The following RANBP2 variants were observed in gnomAD, a reference collection of about 807,000 sequenced individuals.
RANBP2 encodes RAN binding protein 2, also known as E3 SUMO-protein ligase RanBP2.
A neutral mutation model predicts 303.6 loss-of-function variants in RANBP2; 57 were observed. That is an observed-to-expected ratio of 0.19 (90% CI 0.15 to 0.23). The LOEUF (loss-of-function observed/expected upper bound fraction) is 0.23. Among genes scored for constraint, RANBP2 ranks in the 10% least tolerant of loss-of-function variants. RANBP2 has a pLI of 1.00. For missense variants in RANBP2, 3,138 were observed against 3,780.8 expected, an observed-to-expected ratio of 0.83 and a Z score of 4.46; for synonymous variants, 1,167 against 1,301.5, an observed-to-expected ratio of 0.90 and a Z score of 2.23.
chr2:109,362,243 A>C, the RANBP2 span, among the ~76,000 whole-genome samples: 1 of 152,316 alleles, frequency 6.6e-6, no homozygotes, highest in Non-Finnish European at 1.5e-5. Context: ...GGCATCTCAC[A>C]AATGTTGGTA....
chr2:109,658,290 A>G, the RANBP2 span, among the ~76,000 whole-genome samples: 1 of 150,370 alleles, frequency 6.7e-6, no homozygotes, highest in Non-Finnish European at 1.5e-5. Flanking sequence ...TACTAAAAAT[A>G]CAAAAAATTA....
chr2:108,723,847 A>G (rs1694480551), intron 1 of RANBP2, among the ~76,000 whole-genome samples: 1 of 152,152 alleles, frequency 6.6e-6, no homozygotes, highest in Admixed American at 6.6e-5. Flanking sequence ...ACACCCTCAA[A>G]TGTGGTCAAA....
the RANBP2 span, among the ~76,000 whole-genome samples, chr2:109,403,839 A>T: frequency 6.6e-6 from 1 of 152,158 alleles, no homozygotes; most frequent in Admixed American, 6.5e-5. Flanking sequence ...ACCTCTTCCC[A>T]AAAACTCCCC....
the RANBP2 span, among the ~76,000 whole-genome samples, chr2:109,692,372 C>T: frequency 1.1e-3 from 168 of 152,186 alleles, no homozygotes; most frequent in African/African-American, 3.8e-3. Context: ...AAAGTGGTTA[C>T]GGTGGTGGCA....
chr2:109,036,611 A>G, the RANBP2 span, among the ~76,000 whole-genome samples: 1 of 152,200 alleles, frequency 6.6e-6, no homozygotes, highest in Non-Finnish European at 1.5e-5. Context: ...GATGCAGAAA[A>G]AAAGATTAAC....
At chr2:109,576,710 T>C in the RANBP2 span, among the ~76,000 whole-genome samples, 1 of 152,220 alleles carries the variant, frequency 6.6e-6, no homozygotes, top group Non-Finnish European at 1.5e-5. Flanking sequence ...CTGAATGTTT[T>C]GTCTTATGCT....
chr2:108,994,382 T>C, the RANBP2 span, among the ~76,000 whole-genome samples: 1 of 152,206 alleles, frequency 6.6e-6, no homozygotes, highest in African/African-American at 2.4e-5. Flanking sequence ...AGTGAAAACA[T>C]AATTGAAATT....
chr2:109,114,158 T>G, the RANBP2 span, among the ~76,000 whole-genome samples: 2 of 152,178 alleles, frequency 1.3e-5, no homozygotes, highest in Non-Finnish European at 2.9e-5. Context: ...ATAAAATGAG[T>G]TAGGGAGGAT....
chr2:109,723,480 GTA>G, the RANBP2 span, among the ~76,000 whole-genome samples: 3 of 152,144 alleles, frequency 2.0e-5, no homozygotes. Flanking sequence ...GAATAAGATG[GTA>G]TCTCATTGTG....
At chr2:109,426,668 T>A in the RANBP2 span, among the ~76,000 whole-genome samples, 1 of 152,222 alleles carries the variant, frequency 6.6e-6, no homozygotes, top group South Asian at 2.1e-4. Flanking sequence ...AAACAGTTGA[T>A]GAAGCAGCAG....
chr2:109,725,280 G>A, the RANBP2 span, among the ~76,000 whole-genome samples: 1 of 152,212 alleles, frequency 6.6e-6, no homozygotes, highest in African/African-American at 2.4e-5. Context: ...GGGCCCAAGT[G>A]TACTCCTGGA....
chr2:109,299,643 C>T, the RANBP2 span, among the ~76,000 whole-genome samples: 5 of 152,176 alleles, frequency 3.3e-5, no homozygotes, highest in Non-Finnish European at 5.9e-5. Context: ...TTGTAAGGCC[C>T]TTCCTTTGCC....
At chr2:108,740,184 A>G (rs1367020760) in intron 6 of RANBP2, among the ~76,000 whole-genome samples, 2 of 152,214 alleles carry the variant, frequency 1.3e-5, no homozygotes, top group African/African-American at 2.4e-5. Flanking sequence ...TAGTCTCCCA[A>G]CTTTATCCTG....
chr2:109,400,502 C>T, the RANBP2 span, among the ~76,000 whole-genome samples: 1 of 152,096 alleles, frequency 6.6e-6, no homozygotes, highest in Non-Finnish European at 1.5e-5. Context: ...TGCATTTACA[C>T]ATACACCCCT....
At chr2:109,219,318 T>A in the RANBP2 span, among the ~76,000 whole-genome samples, 4 of 152,236 alleles carry the variant, frequency 2.6e-5, no homozygotes, top group Non-Finnish European at 4.4e-5. Flanking sequence ...TACATAAGGT[T>A]TCTACTTCTT....
At chr2:109,104,089 G>A in the RANBP2 span, among the ~76,000 whole-genome samples, 2 of 151,984 alleles carry the variant, frequency 1.3e-5, no homozygotes, top group Non-Finnish European at 2.9e-5. Flanking sequence ...CCACCATTTC[G>A]GCGAAGATTC....
chr2:109,147,439 A>T, the RANBP2 span, among the ~76,000 whole-genome samples: 3 of 152,228 alleles, frequency 2.0e-5, no homozygotes, highest in Non-Finnish European at 4.4e-5. Flanking sequence ...TATACTAGAG[A>T]AACATCATAT....
chr2:109,567,954 G>A, the RANBP2 span: 2 of 1,611,248 alleles, frequency 1.2e-6, no homozygotes, highest in East Asian at 2.2e-5. Context: ...ATCTGCTTTG[G>A]CAATCACTGG....
the RANBP2 span, among the ~76,000 whole-genome samples, chr2:109,119,385 T>A: frequency 6.6e-6 from 1 of 152,206 alleles, no homozygotes; most frequent in Non-Finnish European, 1.5e-5. Context: ...GGATTTCACA[T>A]TTTTCTAAAA....
Sources: allele counts gnomAD v4.1 joint callset (sites outside exome capture counted in the v4.1 genomes callset), GRCh38; gene constraint gnomAD v4.1.1; transcripts MANE v1.5; gene names NCBI Gene and HGNC (gene_info 2026-07-23, HGNC 2026-07-21).